Variants in LRP4 observed in about 807,000 individuals in gnomAD.
The protein encoded by LRP4 is low-density lipoprotein receptor-related protein 4.
A neutral mutation model predicts 220.3 loss-of-function variants in LRP4; 95 were observed. The observed-to-expected ratio is 0.43, with a 90% confidence interval of 0.37 to 0.51. The LOEUF (loss-of-function observed/expected upper bound fraction) is 0.51, where lower values mean the gene tolerates loss of function less well. LRP4 is among the 20% of genes least tolerant of loss of function. The probability of loss-of-function intolerance (pLI) is 0.00; values close to 1 mark genes in which losing one functional copy is unlikely to be tolerated. For missense variants in LRP4, 1,925 were observed against 2,567.0 expected, an observed-to-expected ratio of 0.75 and a Z score of 5.40; for synonymous variants, 903 against 954.6, an observed-to-expected ratio of 0.95 and a Z score of 1.00.
rs200963011 is a variant in LRP4 at position 46,898,891 on chromosome 11, C to T, written c.676+13G>A. 9.8e-4 allele frequency: 1,579 copies of T among 1,613,766 alleles called. 2 individuals carry two copies. Among genetic ancestry groups the T allele is most frequent in the Non-Finnish European group, 1.3e-3 (1,511 of 1,179,998 alleles). On this transcript the variant is annotated intron_variant, in intron 6 of 37. Transcript: ENST00000378623. ...CCTGGCCTCCCCACCTCCCAGCTGGCCAGAGTACTCACAGCAGTCAGACTC... is the reference window on the plus strand; with the variant it reads ...CCTGGCCTCCCCACCTCCCAGCTGGTCAGAGTACTCACAGCAGTCAGACTC...
rs4752946 is a variant in LRP4 at position 46,875,357 on chromosome 11, G to A, written c.3925+99C>T. 1 of 1,133,236 alleles carries A rather than the reference G, an allele frequency of 8.8e-7. No homozygotes were observed. Among genetic ancestry groups the A allele is most frequent in the Non-Finnish European group, 1.3e-6 (1 of 767,412 alleles). 70.2% of individuals were successfully genotyped at this position (1,133,236 alleles called of 1,614,324 possible). A position where few individuals can be genotyped will look rare whatever the true frequency, so the allele number is the denominator to read the frequency against. ...GCTTAAACAGGTCACCGTCTTTCTG[G>A]CTGTAAAGGAGCTCTGTGCTCTGGA... On this transcript the variant is annotated intron_variant, in intron 27 of 37. Transcript: ENST00000378623. The surrounding 1 kb of genome is among the most constrained non-coding windows in gnomAD (Gnocchi z 4.5).
chr11:46,903,057 G>C, intron 1 of LRP4, 128 bp from the exon 2 acceptor site: 2 of 1,114,014 alleles, frequency 1.8e-6, no homozygotes, highest in Non-Finnish European at 2.7e-6. Flanking sequence ...CACTTCAAGG[G>C]AGATGCAGGC....
intron 1 of LRP4, among the ~76,000 whole-genome samples, chr11:46,916,364 T>C (rs1391439988): frequency 1.3e-5 from 2 of 152,048 alleles, no homozygotes; most frequent in East Asian, 3.8e-4. Flanking sequence ...CACTTGAGCT[T>C]GGGAGGTCGA....
At chr11:46,912,498 C>T (rs534871437) in intron 1 of LRP4, among the ~76,000 whole-genome samples, 1 of 152,266 alleles carries the variant, frequency 6.6e-6, no homozygotes, top group African/African-American at 2.4e-5. Context: ...GGTGGAAAAC[C>T]TGGGGCTCCC....
chr11:46,886,605 C>G lies in LRP4; in HGVS notation c.2216-72G>C, dbSNP rs892314995. The G allele has an allele frequency of 3.9e-6, 5 of 1,279,362 alleles. No individual in the cohort carries two copies. The South Asian group carries it at 6.1e-5, about 16-fold the overall frequency. The allele number at this position is 1,279,362 out of a possible 1,614,324, so 79.3% of individuals were successfully genotyped here. A position where few individuals can be genotyped will look rare whatever the true frequency, so the allele number is the denominator to read the frequency against. Reference sequence around the variant, plus strand: ...GAACAGTGACAGACACAGACGCTCACCTGCGTGACATCTGGTTCAATCACA... The same window carrying G: ...GAACAGTGACAGACACAGACGCTCAGCTGCGTGACATCTGGTTCAATCACA... On this transcript the variant is annotated intron_variant, in intron 16 of 37. Transcript: ENST00000378623.
At chr11:46,876,400 TACCCCGTCATA>T in intron 25 of LRP4, 55 bp downstream of exon 25, 1 of 1,596,012 alleles carries the variant, frequency 6.3e-7, no homozygotes, top group Non-Finnish European at 8.6e-7. Context: ...TACCCACCTT[TACCCCGTCATA>T]ACCCCAGCTG....
At chr11:46,892,131 C>CA (rs758287503) in intron 13 of LRP4, among the ~76,000 whole-genome samples, 28 of 152,260 alleles carry the variant, frequency 1.8e-4, no homozygotes, top group Non-Finnish European at 3.1e-4. Context: ...TGAGGCCACA[C>CA]TATGTTGCCC....
chr11:46,858,931 A>C lies in LRP4; in HGVS notation c.*52T>G. 2 of 1,520,362 alleles carry C rather than the reference A, an allele frequency of 1.3e-6. No homozygotes were observed. The highest frequency in any genetic ancestry group is 1.8e-6 in the Non-Finnish European group (2 of 1,096,110). The allele number at this position is 1,520,362 out of a possible 1,614,324, so 94.2% of individuals were successfully genotyped here. A position where few individuals can be genotyped will look rare whatever the true frequency, so the allele number is the denominator to read the frequency against. ...TGCGGTGTAAGCGAGCACAAGGACTAGACGTCCATAAAGGAGAAGGAACAG... is the reference window on the plus strand; with the variant it reads ...TGCGGTGTAAGCGAGCACAAGGACTCGACGTCCATAAAGGAGAAGGAACAG... On this transcript the variant is annotated 3_prime_UTR_variant, in exon 38 of 38. Transcript: ENST00000378623.
At chr11:46,895,660 C>T (rs1385973357) in intron 10 of LRP4, among the ~76,000 whole-genome samples, 2 of 152,226 alleles carry the variant, frequency 1.3e-5, no homozygotes, top group East Asian at 3.8e-4. Context: ...GGAATCCCAA[C>T]TCTGCTACTC....
Position 46,869,087 on chromosome 11 carries a change from G to T in LRP4, c.4738C>A (p.Gln1580Lys), listed in dbSNP as rs958154316. The change falls in exon 32 of 38, where the codon CAG becomes AAG. Residue 1580 changes from glutamine to lysine, a missense_variant. Gln to Lys is a moderately conservative substitution (Grantham distance 53). Transcript: ENST00000378623. ...CGGCCTGAGTATTTGTCAACACGCT[G>T]GATTGACTTGGTCTGCCAGTCTGTC... is the stretch of plus-strand genomic sequence containing the variant. ...YWTDWQTKSI[Q>K]RVDKYSGRNK... 6.8e-6 allele frequency: 11 copies of T among 1,614,026 alleles called. No homozygotes were observed. The highest frequency in any genetic ancestry group is 9.3e-6 in the Non-Finnish European group (11 of 1,180,030).
chr11:46,902,312 CTG>C (rs1411667231), intron 2 of LRP4, among the ~76,000 whole-genome samples: 1 of 145,258 alleles, frequency 6.9e-6, no homozygotes, highest in African/African-American at 2.5e-5. Context: ...TGAGCCTAGA[CTG>C]TGCCCCTGCA....
intron 2 of LRP4, 72 bp downstream of exon 2, chr11:46,902,711 T>C (rs1941689932): frequency 6.4e-7 from 1 of 1,566,016 alleles, no homozygotes; most frequent in Non-Finnish European, 8.8e-7. Flanking sequence ...AAATACTCCA[T>C]CAGCCTTGTC....
chr11:46,862,068 C>CAA (rs35296081), intron 37 of LRP4, among the ~76,000 whole-genome samples: 73 of 63,602 alleles, frequency 1.1e-3, no homozygotes, highest in African/African-American at 1.8e-3. Context: ...AACTCTGTCT[C>CAA]AAAAAAAAAA....
intron 37 of LRP4, among the ~76,000 whole-genome samples, chr11:46,861,706 A>G (rs1940556494): frequency 6.6e-6 from 1 of 151,814 alleles, no homozygotes. Context: ...AAATGGGACT[A>G]TTTTTCATGC....
At chr11:46,863,440 A>G (rs1158368495) in intron 36 of LRP4, among the ~76,000 whole-genome samples, 1 of 152,056 alleles carries the variant, frequency 6.6e-6, no homozygotes, top group Non-Finnish European at 1.5e-5. Flanking sequence ...CTTGATAGAT[A>G]TAATCTAAAC....
chr11:46,900,435 C>T, intron 2 of LRP4, 57 bp from the exon 3 acceptor site: 1 of 1,063,080 alleles, frequency 9.4e-7, no homozygotes, highest in Non-Finnish European at 1.5e-6. Context: ...TACTCAGGCT[C>T]AACTAGGCCA....
At chr11:46,860,103 C>T (rs762846701) in intron 37 of LRP4, among the ~76,000 whole-genome samples, 4 of 151,544 alleles carry the variant, frequency 2.6e-5, no homozygotes, top group Non-Finnish European at 5.9e-5. Flanking sequence ...GGTTTGGTGG[C>T]GGGTGCCTGT....
At chr11:46,912,574 C>G (rs2134887608) in intron 1 of LRP4, among the ~76,000 whole-genome samples, 1 of 152,290 alleles carries the variant, frequency 6.6e-6, no homozygotes, top group African/African-American at 2.4e-5. Context: ...AAGGAGGCTA[C>G]AGTCAACTCA....
At position 46,868,012 on chromosome 11, in the gene LRP4, C is replaced by T. The variant is rs138238230; in HGVS notation, c.5054G>A (p.Arg1685Gln). The T allele has an allele frequency of 5.7e-5, 92 of 1,613,954 alleles. No homozygotes were observed. The highest frequency in any genetic ancestry group is 4.9e-4 in the Middle Eastern group (3 of 6,084). The change falls in exon 34 of 38, where the codon CGG (arginine) becomes CAG (glutamine). Residue 1685 changes from arginine to glutamine, a missense_variant. By Grantham distance (43) the Arg-to-Gln change is conservative. This residue lies in a region of LRP4 where 1,244 missense variants were observed against 1,624.9 expected (regional missense o/e 0.77). Transcript: ENST00000378623. ...CACCTCCTCCAGAGACGTGCGGGTC[C>T]GGGTGGTTGAAGAATACAAGGTGGT... ...PPTTLYSSTT[R>Q]TRTSLEEVEG...
Sources: allele counts gnomAD v4.1 joint callset (sites outside exome capture counted in the v4.1 genomes callset), GRCh38; gene constraint gnomAD v4.1.1; regional missense constraint gnomAD v4.1.1; non-coding constraint Gnocchi (gnomAD v3.1); transcripts MANE v1.5; gene names NCBI Gene and HGNC (gene_info 2026-07-23, HGNC 2026-07-21).